Variants in EAPP observed in about 807,000 individuals in gnomAD.
The protein encoded by EAPP is E2F-associated phosphoprotein.
EAPP carries 38 observed loss-of-function variants against 34.3 expected under a neutral mutation model. The ratio of observed to expected loss-of-function variants is 1.11; its 90% confidence interval spans 0.85 to 1.45. The LOEUF (loss-of-function observed/expected upper bound fraction) is 1.45, where lower values mean the gene tolerates loss of function less well. EAPP is among the 40% of genes most tolerant of loss of function. The probability of loss-of-function intolerance (pLI) is 0.00; values close to 1 mark genes in which losing one functional copy is unlikely to be tolerated. For missense variants in EAPP, 338 were observed against 343.7 expected (o/e 0.98, Z 0.13); for synonymous variants, 113 against 117.6 (o/e 0.96, Z 0.25).
intron 5 of EAPP, among the ~76,000 whole-genome samples, chr14:34,519,052 A>T (rs773499222): frequency 1.3e-5 from 2 of 152,062 alleles, no homozygotes; most frequent in Non-Finnish European, 2.9e-5. Flanking sequence ...GTAATCTCCA[A>T]TGTTGGAGGT....
chr14:34,519,061 G>A (rs1455005143), intron 5 of EAPP, among the ~76,000 whole-genome samples: 1 of 152,122 alleles, frequency 6.6e-6, no homozygotes, highest in African/African-American at 2.4e-5. Flanking sequence ...AATGTTGGAG[G>A]TGGGACCTGG....
intron 2 of EAPP, among the ~76,000 whole-genome samples, chr14:34,534,024 C>A (rs1006093738): frequency 6.6e-6 from 1 of 152,092 alleles, no homozygotes; most frequent in Admixed American, 6.6e-5. Flanking sequence ...TCCCTAATTC[C>A]TCTTAGTTAG....
intron 4 of EAPP, 56 bp from the exon 5 acceptor site, chr14:34,524,863 C>G (rs533353988): frequency 1.5e-6 from 2 of 1,371,562 alleles, no homozygotes; most frequent in African/African-American, 2.9e-5. Flanking sequence ...ATCTTGGTTT[C>G]TAGTGTCATT....
Position 34,539,656 on chromosome 14 carries a change from A to T in EAPP, c.-28T>A, listed in dbSNP as rs771505812. On this transcript the variant is annotated 5_prime_UTR_variant, in exon 1 of 6. Transcript: ENST00000250454. Reference sequence around the variant, plus strand: ...TGGCCTGCAGCGGCCTACACCGTCCACAAGCAATTTGCAGCGTCTCTGTTT... The same window carrying T: ...TGGCCTGCAGCGGCCTACACCGTCCTCAAGCAATTTGCAGCGTCTCTGTTT... The T allele has an allele frequency of 6.6e-7, 1 of 1,520,232 alleles. No homozygotes were observed. Among genetic ancestry groups the T allele is most frequent in the Non-Finnish European group, 8.8e-7 (1 of 1,135,974 alleles). 94.2% of individuals were successfully genotyped at this position (1,520,232 alleles called of 1,614,324 possible).
intron 5 of EAPP, among the ~76,000 whole-genome samples, chr14:34,523,543 GGA>G (rs1165430900): frequency 3.9e-5 from 2 of 50,788 alleles, no homozygotes; most frequent in African/African-American, 8.2e-5. Flanking sequence ...TTTTTTTTTT[GGA>G]GAGAGAGATG....
At chr14:34,520,800 C>T (rs1879892736) in intron 5 of EAPP, among the ~76,000 whole-genome samples, 1 of 151,892 alleles carries the variant, frequency 6.6e-6, no homozygotes, top group Non-Finnish European at 1.5e-5. Flanking sequence ...CCACACCCAG[C>T]CTGGCATTTT....
intron 5 of EAPP, among the ~76,000 whole-genome samples, chr14:34,521,640 T>TC (rs1879923163): frequency 6.6e-6 from 1 of 150,428 alleles, no homozygotes; most frequent in South Asian, 2.1e-4. Flanking sequence ...GATTTCTTTT[T>TC]TTTTTTTTTT....
chr14:34,521,361 A>G (rs7151142), intron 5 of EAPP, among the ~76,000 whole-genome samples: 118,084 of 152,010 alleles, frequency 0.78, 46,802 homozygotes, highest in Non-Finnish European at 0.85. Context: ...GTCAGCCACC[A>G]TCCCCAGCTA....
At chr14:34,522,937 G>C (rs1434358769) in intron 5 of EAPP, among the ~76,000 whole-genome samples, 2 of 152,154 alleles carry the variant, frequency 1.3e-5, no homozygotes, top group African/African-American at 4.8e-5. Flanking sequence ...TAAAGAAGCT[G>C]GTTGTACACT....
chr14:34,538,979 T>C (rs1274901719), intron 1 of EAPP, among the ~76,000 whole-genome samples: 2 of 152,152 alleles, frequency 1.3e-5, no homozygotes, highest in Admixed American at 1.3e-4. Flanking sequence ...ATTACCCTTA[T>C]TATACTATAA....
chr14:34,527,168 C>CAAAAA (rs35039984), intron 4 of EAPP, among the ~76,000 whole-genome samples: 6 of 106,798 alleles, frequency 5.6e-5, no homozygotes, highest in African/African-American at 7.5e-5. Context: ...AACTCCGTCT[C>CAAAAA]AAAAAAAAAA....
intron 1 of EAPP, 37 bp from the exon 2 acceptor site, chr14:34,536,312 TA>T (rs754231049): frequency 2.0e-6 from 3 of 1,482,028 alleles, no homozygotes; most frequent in Non-Finnish European, 2.7e-6. Context: ...TATGAATATT[TA>T]AAAATTAAAA....
Position 34,526,568 on chromosome 14 carries a change from TA to T in EAPP, c.471-1762del, listed in dbSNP as rs1008428032. 3.6e-4 allele frequency among the ~76,000 whole-genome samples: 46 copies of T among 127,968 alleles called. 1 individual carries two copies. In the South Asian group the frequency reaches 5.6e-3, roughly 16 times the overall value. 84.0% of individuals were successfully genotyped at this position (127,968 alleles called of 152,430 possible). On this transcript the variant is annotated intron_variant, in intron 4 of 5. Transcript: ENST00000250454. ...GTGAAACCCTGTCTCTATAAGAAAATAAAAAAAAAAATGAAAATAAAAATAA... is the reference window on the plus strand; with the variant it reads ...GTGAAACCCTGTCTCTATAAGAAAATAAAAAAAAAATGAAAATAAAAATAA...
chr14:34,525,747 C>T (rs1024243880), intron 4 of EAPP, among the ~76,000 whole-genome samples: 3 of 152,070 alleles, frequency 2.0e-5, no homozygotes, highest in Non-Finnish European at 4.4e-5. Flanking sequence ...AGGCCGGGCT[C>T]GGTGGCTCAC....
At chr14:34,525,730 T>A (rs1349454304) in intron 4 of EAPP, among the ~76,000 whole-genome samples, 1 of 151,978 alleles carries the variant, frequency 6.6e-6, no homozygotes, top group African/African-American at 2.4e-5. Flanking sequence ...TTAATAATAA[T>A]GTATCAAGGC....
At chr14:34,525,930 G>A (rs1594662597) in intron 4 of EAPP, among the ~76,000 whole-genome samples, 1 of 152,022 alleles carries the variant, frequency 6.6e-6, no homozygotes. Flanking sequence ...TGAGGCAGGA[G>A]AATCGGTTGA....
chr14:34,528,934 A>C (rs1880185766), intron 4 of EAPP, among the ~76,000 whole-genome samples: 1 of 151,816 alleles, frequency 6.6e-6, no homozygotes, highest in South Asian at 2.1e-4. Flanking sequence ...CAGGGGTTCG[A>C]GACCAGCCTG....
In EAPP at chr14:34,522,049, C is replaced by T. The variant is rs183687910; in HGVS notation, c.581+2648G>A. Reference sequence around the variant, plus strand: ...TCATGGCTCACTGCAGCCTCGACTTCCAGGGCTCAAGTGATCTTCCCACCT... The same window carrying T: ...TCATGGCTCACTGCAGCCTCGACTTTCAGGGCTCAAGTGATCTTCCCACCT... On this transcript the variant is annotated intron_variant, in intron 5 of 5. Transcript: ENST00000250454. 4.3e-3 allele frequency among the ~76,000 whole-genome samples: 657 copies of T among 152,252 alleles called. 1 individual carries two copies. The highest frequency in any genetic ancestry group is 0.024 in the Middle Eastern group (7 of 294).
chr14:34,535,412 G>A (rs908619004), intron 2 of EAPP, among the ~76,000 whole-genome samples: 2 of 148,706 alleles, frequency 1.3e-5, no homozygotes, highest in Non-Finnish European at 3.0e-5. Flanking sequence ...TTACAGGTGT[G>A]AGCCACTGCA....
Sources: allele counts gnomAD v4.1 joint callset (sites outside exome capture counted in the v4.1 genomes callset), GRCh38; gene constraint gnomAD v4.1.1; transcripts MANE v1.5; gene names NCBI Gene and HGNC (gene_info 2026-07-23, HGNC 2026-07-21).